WDFY1: variants seen among roughly 807,000 people sequenced by gnomAD.
The protein encoded by WDFY1 is WD repeat and FYVE domain containing 1.
A neutral mutation model predicts 56.4 loss-of-function variants in WDFY1; 32 were observed. The ratio of observed to expected loss-of-function variants is 0.57; its 90% CI spans 0.43 to 0.76. The LOEUF is 0.76. Ranked by LOEUF, WDFY1 falls within the 30% of genes least tolerant of loss-of-function variation. The probability of loss-of-function intolerance (pLI) is 0.00; values close to 1 mark genes in which losing one functional copy is unlikely to be tolerated. For synonymous variants in WDFY1, 192 were observed against 197.3 expected (o/e 0.97, Z 0.23); for missense variants, 480 against 545.7 (o/e 0.88, Z 1.20).
In WDFY1 at chr2:223,878,448, C is replaced by T. The variant is rs1253725945; in HGVS notation, c.*223G>A. 1.2e-5 allele frequency: 5 copies of T among 430,260 alleles called. No homozygotes were observed. Among genetic ancestry groups the T allele is most frequent in the Non-Finnish European group, 1.3e-5 (3 of 238,790 alleles). The allele number at this position is 430,260 out of a possible 1,614,324, so 26.7% of individuals were successfully genotyped here. ...TGGGGAAGTTTTGCTGAAGTAATTCCAGTCTTCAGGGAACCACTATGGACA... is the reference window on the plus strand; with the variant it reads ...TGGGGAAGTTTTGCTGAAGTAATTCTAGTCTTCAGGGAACCACTATGGACA... On this transcript the variant is annotated 3_prime_UTR_variant, in exon 12 of 12. Transcript: ENST00000233055.
chr2:223,894,672 G>A (rs552335775), intron 7 of WDFY1, among the ~76,000 whole-genome samples: 1 of 152,140 alleles, frequency 6.6e-6, no homozygotes, highest in Non-Finnish European at 1.5e-5. Flanking sequence ...TCAGAAACAA[G>A]AACGAAGGAG....
At chr2:223,895,305 T>A (rs1693346537) in intron 7 of WDFY1, among the ~76,000 whole-genome samples, 199 bp downstream of exon 7, 1 of 152,200 alleles carries the variant, frequency 6.6e-6, no homozygotes, top group African/African-American at 2.4e-5. Context: ...TTTGTTTGTT[T>A]GTTTTGTTTA....
intron 3 of WDFY1, among the ~76,000 whole-genome samples, chr2:223,906,374 C>T (rs1021974505): frequency 1.3e-5 from 2 of 152,178 alleles, no homozygotes; most frequent in Non-Finnish European, 2.9e-5. Flanking sequence ...AGACCCCTCA[C>T]TAACAGAGCT....
At chr2:223,888,965 G>A (rs1204966399) in intron 8 of WDFY1, among the ~76,000 whole-genome samples, 1 of 134,466 alleles carries the variant, frequency 7.4e-6, no homozygotes, top group Non-Finnish European at 1.6e-5. Flanking sequence ...ATGCAATGGC[G>A]TGATCTTGGC....
chr2:223,943,704 C>T (rs1415936483), intron 1 of WDFY1, among the ~76,000 whole-genome samples: 1 of 152,184 alleles, frequency 6.6e-6, no homozygotes, highest in East Asian at 1.9e-4. Context: ...ACATTGTAAA[C>T]CTTTAGGATT....
At chr2:223,888,488 A>G (rs1373380236) in intron 8 of WDFY1, among the ~76,000 whole-genome samples, 1 of 152,238 alleles carries the variant, frequency 6.6e-6, no homozygotes, top group African/African-American at 2.4e-5. Flanking sequence ...GTTAAGCAGT[A>G]CATCAATGGA....
rs773461514 is a variant in WDFY1 at position 223,906,006 on chromosome 2, A to G, written c.280-5T>C. On this transcript the variant is annotated splice_polypyrimidine_tract_variant and splice_region_variant and intron_variant, in intron 3 of 11. Coordinates refer to ENST00000233055, the MANE Select transcript of WDFY1 (RefSeq NM_020830.5). ...ATCTTCAGAAACGTGAAATTCCTAA[A>G]AGCAAATGCACAAAATAAAAAATTA... is the stretch of plus-strand genomic sequence containing the variant. 22 of 1,559,394 alleles carry G rather than the reference A, an allele frequency of 1.4e-5. No individual in the cohort carries two copies. In the South Asian group the frequency reaches 2.5e-4, roughly 18 times the overall value.
At chr2:223,928,904 G>T (rs1345314990) in intron 1 of WDFY1, among the ~76,000 whole-genome samples, 5 of 152,152 alleles carry the variant, frequency 3.3e-5, no homozygotes, top group Non-Finnish European at 5.9e-5. Context: ...TATTGCAGGG[G>T]GGGTGAGAGA....
At chr2:223,879,239 T>C (rs1693024021) in intron 11 of WDFY1, among the ~76,000 whole-genome samples, 1 of 152,190 alleles carries the variant, frequency 6.6e-6, no homozygotes, top group African/African-American at 2.4e-5. Context: ...AAAATGTGAA[T>C]AAAGCATATA....
At position 223,876,891 on chromosome 2, in the gene WDFY1, T is replaced by C. The variant is rs1692981796; in HGVS notation, c.*1780A>G. On this transcript the variant is annotated 3_prime_UTR_variant, in exon 12 of 12. Coordinates refer to ENST00000233055, the MANE Select transcript of WDFY1 (RefSeq NM_020830.5). ...GCTGAACCATTAACTGAACTAAAATTAATACAGGAAGCTTAACATTCAACA... is the reference window on the plus strand; with the variant it reads ...GCTGAACCATTAACTGAACTAAAATCAATACAGGAAGCTTAACATTCAACA... 6.6e-6 allele frequency: 1 copy of C among 152,216 alleles called. No individual in the cohort carries two copies. Among genetic ancestry groups the C allele is most frequent in the South Asian group, 2.1e-4 (1 of 4,830 alleles). 9.4% of individuals were successfully genotyped at this position (152,216 alleles called of 1,614,324 possible).
chr2:223,876,163 T>C lies in WDFY1; in HGVS notation c.*2508A>G, dbSNP rs1312525788. The C allele has an allele frequency of 2.6e-5, 4 of 152,570 alleles. No homozygotes were observed. The highest frequency in any genetic ancestry group is 5.9e-5 in the Non-Finnish European group (4 of 68,022). The allele number at this position is 152,570 out of a possible 1,614,324, so 9.5% of individuals were successfully genotyped here. ...GAAGAATCGGCATTTCCTTACCACA[T>C]ATATACTAGATGTAAATATAAGGAT... On this transcript the variant is annotated 3_prime_UTR_variant, in exon 12 of 12. Transcript: ENST00000233055.
chr2:223,886,044 TA>T (rs1479849025), intron 8 of WDFY1, among the ~76,000 whole-genome samples: 4 of 152,198 alleles, frequency 2.6e-5, no homozygotes, highest in Non-Finnish European at 4.4e-5. Flanking sequence ...ATTAATTTGT[TA>T]AAAAACTTAG....
chr2:223,926,840 G>T (rs1326693808), intron 1 of WDFY1, among the ~76,000 whole-genome samples: 1 of 152,110 alleles, frequency 6.6e-6, no homozygotes, highest in Non-Finnish European at 1.5e-5. Context: ...GCTAATTTTT[G>T]TATTTTTAGT....
chr2:223,906,753 C>A (rs561898818), intron 3 of WDFY1, among the ~76,000 whole-genome samples: 2 of 151,944 alleles, frequency 1.3e-5, no homozygotes, highest in African/African-American at 4.8e-5. Context: ...CTCCTGACCT[C>A]AGGTGATCCA....
At chr2:223,921,895 C>G (rs1442700163) in intron 1 of WDFY1, among the ~76,000 whole-genome samples, 1 of 152,200 alleles carries the variant, frequency 6.6e-6, no homozygotes, top group Admixed American at 6.5e-5. Context: ...ATCTTTCACA[C>G]AGCAGTAGGC....
chr2:223,897,004 CG>C (rs1693392643), intron 6 of WDFY1, among the ~76,000 whole-genome samples: 1 of 152,160 alleles, frequency 6.6e-6, no homozygotes. Context: ...GGTTTCTTCA[CG>C]GGCCTCTGCT....
chr2:223,895,858 A>G (rs552854), intron 6 of WDFY1, among the ~76,000 whole-genome samples: 141,504 of 152,002 alleles, frequency 0.93, 65,932 homozygotes, highest in South Asian at 0.96. Context: ...ATTTTCAATT[A>G]TGCATCAAAC....
At chr2:223,912,986 G>A (rs1434012628) in intron 2 of WDFY1, among the ~76,000 whole-genome samples, 1 of 152,046 alleles carries the variant, frequency 6.6e-6, no homozygotes, top group African/African-American at 2.4e-5. Context: ...TTCAGCCTAA[G>A]GAATTTTAAT....
intron 2 of WDFY1, among the ~76,000 whole-genome samples, chr2:223,914,292 C>T (rs547306122): frequency 6.6e-6 from 1 of 152,270 alleles, no homozygotes; most frequent in African/African-American, 2.4e-5. Flanking sequence ...CCACCATGCC[C>T]AGCCAAGTCA....
Sources: gnomAD v4.1 joint callset for allele counts (sites outside exome capture counted in the v4.1 genomes callset) on GRCh38, gnomAD v4.1.1 for gene constraint, MANE v1.5 for transcripts, NCBI Gene and HGNC (gene_info 2026-07-23, HGNC 2026-07-21) for gene names.